Variants in CHFR observed in about 807,000 individuals in gnomAD.
CHFR encodes E3 ubiquitin-protein ligase CHFR.
In CHFR, 57 loss-of-function variants were observed where a neutral mutation model predicts 87.6. That is an observed-to-expected ratio of 0.65 (90% CI 0.53 to 0.81). CHFR has a LOEUF of 0.81. CHFR is among the 30% of genes least tolerant of loss of function. The pLI is 0.00. For synonymous variants in CHFR, 381 were observed against 359.2 expected, an observed-to-expected ratio of 1.06 and a Z score of -0.69; for missense variants, 797 against 865.8, an observed-to-expected ratio of 0.92 and a Z score of 1.00.
intron 6 of CHFR, among the ~76,000 whole-genome samples, chr12:132,864,420 A>G (rs1401735050): frequency 6.6e-6 from 1 of 152,260 alleles, no homozygotes; most frequent in African/African-American, 2.4e-5. Flanking sequence ...CTCAATAAGC[A>G]GTAACTATAC....
chr12:132,868,016 C>T (rs1190113549), intron 6 of CHFR: 1 of 152,146 alleles, frequency 6.6e-6, no homozygotes, highest in East Asian at 1.9e-4. Context: ...TGTACACATC[C>T]TCCACGTGAC....
In CHFR at chr12:132,887,210, A is replaced by G; in HGVS notation, c.119T>C (p.Ile40Thr). The G allele has an allele frequency of 6.7e-7, 1 of 1,497,928 alleles. No homozygotes were observed. The highest frequency in any genetic ancestry group is 8.8e-7 in the Non-Finnish European group (1 of 1,130,642). 92.8% of individuals were successfully genotyped at this position (1,497,928 alleles called of 1,614,324 possible). The change falls in exon 2 of 18, where the codon ATC becomes ACC. Residue 40 changes from isoleucine to threonine, a missense_variant. Coordinates refer to ENST00000450056, the MANE Select transcript of CHFR (RefSeq NM_001161346.2). ...CAGCCCCGCACCTCGTCTCCGCCCG[A>G]TGGTCCACTCCCGCTTCCTCAGGAG... ...HVLLRKREWT[I>T]GRRRGCDLSF...
intron 17 of CHFR, among the ~76,000 whole-genome samples, chr12:132,842,090 C>T (rs994770324): frequency 2.4e-5 from 3 of 125,554 alleles, no homozygotes; most frequent in South Asian, 5.2e-4. Flanking sequence ...GCCTGGCAGA[C>T]AGAGCGAGAC....
intron 2 of CHFR, chr12:132,883,108 T>C (rs1566207876): frequency 6.6e-6 from 1 of 152,216 alleles, no homozygotes; most frequent in Non-Finnish European, 1.5e-5. Flanking sequence ...AAGCAGTTGA[T>C]GTACATTTCT....
At chr12:132,879,968 C>T (rs928434662) in intron 2 of CHFR, among the ~76,000 whole-genome samples, 2 of 152,190 alleles carry the variant, frequency 1.3e-5, no homozygotes, top group African/African-American at 4.8e-5. Context: ...AATCAGAAGA[C>T]TCAGTATTGT....
rs1304776970 is a variant in CHFR, at chr12:132,873,107, C to T, written c.234-713G>A. ...GCATACCCGACACACAAAACGGCAACCGGGCAAAACGACTGAAACCACACA... is the reference window on the plus strand; with the variant it reads ...GCATACCCGACACACAAAACGGCAATCGGGCAAAACGACTGAAACCACACA... On this transcript the variant is annotated intron_variant, in intron 3 of 17. Transcript: ENST00000450056. Among the ~76,000 whole-genome samples the T allele has an allele frequency of 2.0e-5, 3 of 152,310 alleles. No individual in the cohort carries two copies. The East Asian group carries it at 5.8e-4, about 29-fold the overall frequency.
chr12:132,838,396 G>A lies in CHFR; in HGVS notation c.*3158C>T, dbSNP rs905645385. The A allele has an allele frequency of 6.6e-6, 1 of 152,328 alleles. No individual in the cohort carries two copies. The highest frequency in any genetic ancestry group is 2.4e-5 in the African/African-American group (1 of 41,464). The allele number at this position is 152,328 out of a possible 1,614,324, so 9.4% of individuals were successfully genotyped here. On this transcript the variant is annotated 3_prime_UTR_variant, in exon 18 of 18. Transcript: ENST00000450056. The stretch of plus-strand genomic sequence containing the variant: ...AAGCTATGACAGAGGCCATCCCAGA[G>A]AGGCCTCACTGGGGTGGACGGGTTC...
At chr12:132,851,596 G>A (rs370078954) in intron 12 of CHFR, 22 bp downstream of exon 12, 133 of 1,595,164 alleles carry the variant, frequency 8.3e-5, no homozygotes, top group Non-Finnish European at 9.7e-5. Flanking sequence ...ACCCGCCTGC[G>A]TGCGGTGGCG....
chr12:132,865,152 C>G (rs879937797), intron 6 of CHFR, among the ~76,000 whole-genome samples: 2 of 152,190 alleles, frequency 1.3e-5, no homozygotes, highest in Admixed American at 6.5e-5. Flanking sequence ...CACGCTGGAG[C>G]GGCCGGAACG....
rs1257106656 is a variant in CHFR, at chr12:132,836,708, G to A, written c.*4846C>T. On this transcript the variant is annotated 3_prime_UTR_variant, in exon 18 of 18. Transcript: ENST00000450056. ...TAAGACCCCACCATCTAGACTCACC[G>A]CCTCAGAAGGAGACAACCGTGAAAA... 2 of 455,948 alleles carry A rather than the reference G, an allele frequency of 4.4e-6. No homozygotes were observed. The highest frequency in any genetic ancestry group is 2.0e-5 in the African/African-American group (1 of 50,044). 28.2% of individuals were successfully genotyped at this position (455,948 alleles called of 1,614,324 possible). A position where few individuals can be genotyped will look rare whatever the true frequency, so the allele number is the denominator to read the frequency against.
Position 132,841,348 on chromosome 12 carries a change from G to C in CHFR, c.*206C>G, listed in dbSNP as rs973064787. 1.8e-6 allele frequency: 1 copy of C among 569,250 alleles called. No homozygotes were observed. Among genetic ancestry groups the C allele is most frequent in the Admixed American group, 3.2e-5 (1 of 31,394 alleles). 35.3% of individuals were successfully genotyped at this position (569,250 alleles called of 1,614,324 possible). On this transcript the variant is annotated 3_prime_UTR_variant, in exon 18 of 18. Transcript: ENST00000450056. Reference sequence around the variant, plus strand: ...GAGCCCTGCCCAGCGCTCACCAGGAGGGCGGGCTGCGGCCCCCGGGGCTCT... The same window carrying C: ...GAGCCCTGCCCAGCGCTCACCAGGACGGCGGGCTGCGGCCCCCGGGGCTCT...
chr12:132,832,378 T>G lies in CHFR; in HGVS notation c.*9176A>C, dbSNP rs1950623949. 6.6e-6 allele frequency: 1 copy of G among 152,192 alleles called. No individual in the cohort carries two copies. The highest frequency in any genetic ancestry group is 2.1e-4 in the South Asian group (1 of 4,832). The allele number at this position is 152,192 out of a possible 1,614,324, so 9.4% of individuals were successfully genotyped here. A position where few individuals can be genotyped will look rare whatever the true frequency, so the allele number is the denominator to read the frequency against. ...CAATGGGAGAAATAGGGAAAACATT[T>G]AATTAGCATAAGATCTAGTATTCCA... On this transcript the variant is annotated 3_prime_UTR_variant, in exon 18 of 18. Coordinates refer to ENST00000450056, the MANE Select transcript of CHFR (RefSeq NM_001161346.2).
chr12:132,856,444 C>T, intron 10 of CHFR, 24 bp downstream of exon 10: 1 of 1,612,530 alleles, frequency 6.2e-7, no homozygotes, highest in South Asian at 1.1e-5. Context: ...ACACACTCTG[C>T]TCTGAGCCAG....
chr12:132,836,797 C>A lies in CHFR; in HGVS notation c.*4757G>T. 1 of 455,610 alleles carries A rather than the reference C, an allele frequency of 2.2e-6. No homozygotes were observed. Among genetic ancestry groups the A allele is most frequent in the Non-Finnish European group, 4.4e-6 (1 of 226,550 alleles). The allele number at this position is 455,610 out of a possible 1,614,324, so 28.2% of individuals were successfully genotyped here. On this transcript the variant is annotated 3_prime_UTR_variant, in exon 18 of 18. Coordinates refer to ENST00000450056, the MANE Select transcript of CHFR (RefSeq NM_001161346.2). ...GAAAGATTTCAAGCCCAGGGGACGG[C>A]TCATCAGCTCATCAGACCTTCACCG...
chr12:132,852,539 CA>C (rs1950971199), intron 11 of CHFR, among the ~76,000 whole-genome samples: 1 of 152,186 alleles, frequency 6.6e-6, no homozygotes, highest in South Asian at 2.1e-4. Context: ...ACATGCCGGC[CA>C]TAAGGACGGC....
In CHFR at chr12:132,847,095, G is replaced by A; in HGVS notation, c.1683C>T (p.Asn561=). Residue 561 remains asparagine (N), a synonymous_variant, in exon 15 of 18, where the codon AAC becomes AAT. Coordinates refer to ENST00000450056, the MANE Select transcript of CHFR (RefSeq NM_001161346.2). The part of the protein sequence containing the change: ...YLATRGLTWK[N]MLTESLVALQ... Reference sequence around the variant, plus strand: ...GAGCCACGAGGCTCTCGGTCAACATGTTTTTCCATGTCAAACCTCTGGTTG... The same window carrying A: ...GAGCCACGAGGCTCTCGGTCAACATATTTTTCCATGTCAAACCTCTGGTTG... 1 of 1,613,738 alleles carries A rather than the reference G, an allele frequency of 6.2e-7. No individual in the cohort carries two copies. Among genetic ancestry groups the A allele is most frequent in the South Asian group, 1.1e-5 (1 of 91,052 alleles).
intron 6 of CHFR, among the ~76,000 whole-genome samples, chr12:132,868,666 C>CGAGACT (rs2137011139): frequency 6.6e-6 from 1 of 152,324 alleles, no homozygotes; most frequent in African/African-American, 2.4e-5. Context: ...AGCGACAGAG[C>CGAGACT]GAGACTCCGT....
intron 6 of CHFR, 21 bp downstream of exon 6, chr12:132,869,598 C>T: frequency 6.5e-7 from 1 of 1,549,414 alleles, no homozygotes; most frequent in Non-Finnish European, 8.7e-7. Flanking sequence ...AGCACCAAGA[C>T]CTCATGAGAT....
chr12:132,837,055 GGAGGGGCTGGTACCT>G lies in CHFR; in HGVS notation c.*4484_*4498del, dbSNP rs1388525534. 1.5e-5 allele frequency: 5 copies of G among 340,380 alleles called. No homozygotes were observed. The highest frequency in any genetic ancestry group is 9.0e-5 in the South Asian group (4 of 44,624). 21.1% of individuals were successfully genotyped at this position (340,380 alleles called of 1,614,324 possible). ...AGCTGAATGAGGAGAGGCTGCAGAG[GGAGGGGCTGGTACCT>G]GAGGGGCTGTTTGTGAGAATTAGCT... On this transcript the variant is annotated 3_prime_UTR_variant, in exon 18 of 18. Transcript: ENST00000450056.
Sources: gnomAD v4.1 joint callset for allele counts (sites outside exome capture counted in the v4.1 genomes callset) on GRCh38, gnomAD v4.1.1 for gene constraint, MANE v1.5 for transcripts, NCBI Gene and HGNC (gene_info 2026-07-23, HGNC 2026-07-21) for gene names.